The following PCDHA5 variants were observed in gnomAD, a reference collection of about 807,000 sequenced individuals.
PCDHA5 encodes the protein protocadherin alpha 5.
PCDHA5 carries 43 observed loss-of-function variants against 61.6 expected under a neutral mutation model. The ratio of observed to expected loss-of-function variants is 0.70; its 90% CI spans 0.55 to 0.90. The LOEUF (loss-of-function observed/expected upper bound fraction) is 0.90. Among genes scored for constraint, PCDHA5 ranks in the 40% least tolerant of loss-of-function variants. PCDHA5 has a pLI of 0.00. For synonymous variants in PCDHA5, 627 were observed against 543.9 expected (o/e 1.15, Z -2.13); for missense variants, 1,298 against 1,222.7 (o/e 1.06, Z -0.92).
chr5:140,869,810 A>T lies in PCDHA5; in HGVS notation c.2352+45683A>T, dbSNP rs2051437780. On this transcript the variant is annotated intron_variant, in intron 1 of 3. Transcript: ENST00000529859. ...CTGTTAGTCCAAGTCTTGGATGTCA[A>T]CGACAATGATCCAGAGTTTGATAAA... The T allele has an allele frequency of 6.2e-7, 1 of 1,612,624 alleles. No individual in the cohort carries two copies.
chr5:140,886,327 A>G (rs2060943233), intron 1 of PCDHA5, among the ~76,000 whole-genome samples: 1 of 152,162 alleles, frequency 6.6e-6, no homozygotes, highest in Admixed American at 6.5e-5. Flanking sequence ...GTTCTGGGAT[A>G]CATGTGCAGA....
rs114871728 is a variant in PCDHA5, at chr5:140,922,694, C to T, written c.2353-56255C>T. The stretch of plus-strand genomic sequence containing the variant: ...GTAAAAAAGTGAACAGGCTCTGCTT[C>T]CATACAGTCAAGAACAAAAAGAAAC... On this transcript the variant is annotated intron_variant, in intron 1 of 3. Transcript: ENST00000529859. Among the ~76,000 whole-genome samples, 1,199 of 152,172 alleles carry T rather than the reference C, an allele frequency of 7.9e-3. 5 individuals carry two copies. The highest frequency in any genetic ancestry group is 0.018 in the African/African-American group (768 of 41,520).
chr5:140,853,120 C>T lies in PCDHA5; in HGVS notation c.2352+28993C>T, dbSNP rs1036865431. The T allele has an allele frequency of 1.7e-4, 85 of 494,062 alleles. 4 individuals carry two copies. Among genetic ancestry groups the T allele is most frequent in the Middle Eastern group, 1.0e-3 (1 of 976 alleles). 30.6% of individuals were successfully genotyped at this position (494,062 alleles called of 1,614,324 possible). On this transcript the variant is annotated intron_variant, in intron 1 of 3. Coordinates refer to ENST00000529859, the MANE Select transcript of PCDHA5 (RefSeq NM_018908.3). Reference sequence around the variant, plus strand: ...GGTCTCGATCTCCTGACCTCATGATCCTCCCGCCTCAGCCTCCCAAAATGC... The same window carrying T: ...GGTCTCGATCTCCTGACCTCATGATTCTCCCGCCTCAGCCTCCCAAAATGC...
chr5:140,870,420 G>C lies in PCDHA5; in HGVS notation c.2352+46293G>C, dbSNP rs371557347. 1.3e-4 allele frequency: 208 copies of C among 1,614,234 alleles called. No homozygotes were observed. The highest frequency in any genetic ancestry group is 1.7e-4 in the Non-Finnish European group (202 of 1,180,052). Reference sequence around the variant, plus strand: ...CGCCTTCTCTGTGGGCCACGGCCAGGGTATCCGTGGAGGTGGCCGACGTGA... The same window carrying C: ...CGCCTTCTCTGTGGGCCACGGCCAGCGTATCCGTGGAGGTGGCCGACGTGA... On this transcript the variant is annotated intron_variant, in intron 1 of 3. Transcript: ENST00000529859.
intron 1 of PCDHA5, chr5:140,841,584 C>G (rs2150318562): frequency 1.2e-6 from 2 of 1,614,028 alleles, no homozygotes; most frequent in South Asian, 1.1e-5. Flanking sequence ...TTTGTGAATT[C>G]TCGGATCGAC....
intron 1 of PCDHA5, among the ~76,000 whole-genome samples, chr5:140,953,761 A>C (rs1016551787): frequency 6.6e-6 from 1 of 152,202 alleles, no homozygotes; most frequent in Non-Finnish European, 1.5e-5. Flanking sequence ...TCCAAGAATT[A>C]AATTTAATAT....
At chr5:140,861,560 C>A in intron 1 of PCDHA5, 2 of 391,162 alleles carry the variant, frequency 5.1e-6, no homozygotes, top group Admixed American at 2.5e-5. Flanking sequence ...TGATCGTGGA[C>A]AAGCTGCTAC....
chr5:140,823,025 T>G lies in PCDHA5; in HGVS notation c.1250T>G (p.Val417Gly). Residue 417 changes from valine (V) to glycine (G), a missense_variant, in exon 1 of 4, where the codon GTG becomes GGG. Coordinates refer to ENST00000529859, the MANE Select transcript of PCDHA5 (RefSeq NM_018908.3). Reference sequence around the variant, plus strand: ...GACAGCGCCCTGGACCGCGAGAGCGTGTCGGTCTATGAGCTGGTGGTGACC... The same window carrying G: ...GACAGCGCCCTGGACCGCGAGAGCGGGTCGGTCTATGAGCTGGTGGTGACC... ...VLDSALDRES[V>G]SVYELVVTAR... 6.2e-7 allele frequency: 1 copy of G among 1,614,218 alleles called. No homozygotes were observed. Among genetic ancestry groups the G allele is most frequent in the Non-Finnish European group, 8.5e-7 (1 of 1,180,044 alleles).
At chr5:140,957,852 AT>A (rs5871756) in intron 1 of PCDHA5, among the ~76,000 whole-genome samples, 2 of 151,658 alleles carry the variant, frequency 1.3e-5, no homozygotes, top group African/African-American at 2.4e-5. Context: ...GAGTTTGTGT[AT>A]TTTTTTTCCT....
chr5:140,849,689 G>A, intron 1 of PCDHA5: 1 of 1,598,668 alleles, frequency 6.3e-7, no homozygotes, highest in South Asian at 1.1e-5. Context: ...TCAAGCTGGT[G>A]TCCACCTACA....
chr5:140,871,118 G>T (rs1554165149), intron 1 of PCDHA5: 1 of 1,613,306 alleles, frequency 6.2e-7, no homozygotes, highest in African/African-American at 1.3e-5. Context: ...GTGGAGAGCG[G>T]ACAGGCGCCA....
intron 1 of PCDHA5, among the ~76,000 whole-genome samples, chr5:140,964,392 C>A (rs2095829219): frequency 6.6e-6 from 1 of 152,072 alleles, no homozygotes; most frequent in African/African-American, 2.4e-5. Flanking sequence ...GGTTTTTCTC[C>A]CAAGACATGA....
chr5:140,830,745 T>G (rs1375923138), intron 1 of PCDHA5: 1 of 192,554 alleles, frequency 5.2e-6, no homozygotes, highest in Non-Finnish European at 1.1e-5. Context: ...TGTCGTTTTC[T>G]GTTGCATTTT....
In PCDHA5 at chr5:140,856,743, T is replaced by C. The variant is rs17844341; in HGVS notation, c.2352+32616T>C. On this transcript the variant is annotated intron_variant, in intron 1 of 3. Transcript: ENST00000529859. Reference sequence around the variant, plus strand: ...TCTGTTTCTCTGCTGATCCTGGTGTTAGATGCCAATGATAACGCCCCTATC... The same window carrying C: ...TCTGTTTCTCTGCTGATCCTGGTGTCAGATGCCAATGATAACGCCCCTATC... 190 of 1,596,776 alleles carry C rather than the reference T, an allele frequency of 1.2e-4. 4 individuals are homozygous for C. In the East Asian group the frequency reaches 4.1e-3, roughly 35 times the overall value.
At chr5:140,847,270 T>A (rs1780933593) in intron 1 of PCDHA5, among the ~76,000 whole-genome samples, 1 of 149,770 alleles carries the variant, frequency 6.7e-6, no homozygotes, top group African/African-American at 2.4e-5. Context: ...TGAAAGAAGG[T>A]TGAACGGGAA....
At chr5:140,953,810 C>T (rs918101590) in intron 1 of PCDHA5, among the ~76,000 whole-genome samples, 5 of 152,190 alleles carry the variant, frequency 3.3e-5, no homozygotes, top group South Asian at 2.1e-4. Context: ...TTCTGAGGTG[C>T]ATGTGCTAGT....
intron 1 of PCDHA5, among the ~76,000 whole-genome samples, chr5:140,922,408 T>C (rs2080827805): frequency 6.6e-6 from 1 of 152,196 alleles, no homozygotes; most frequent in Non-Finnish European, 1.5e-5. Context: ...ATTAAAAAGA[T>C]CTAGGTACAG....
intron 3 of PCDHA5, among the ~76,000 whole-genome samples, chr5:140,987,644 T>G (rs1461630900): frequency 6.6e-6 from 1 of 152,220 alleles, no homozygotes; most frequent in Non-Finnish European, 1.5e-5. Context: ...TGCACACATA[T>G]TGCAGAATCT....
At chr5:140,863,196 G>T (rs782500346) in intron 1 of PCDHA5, 2 of 874,852 alleles carry the variant, frequency 2.3e-6, no homozygotes, top group Non-Finnish European at 3.6e-6. Context: ...TGGTGGCGTC[G>T]CTGGCGGAGA....
Sources: allele counts gnomAD v4.1 joint callset (sites outside exome capture counted in the v4.1 genomes callset), GRCh38; gene constraint gnomAD v4.1.1; transcripts MANE v1.5; gene names NCBI Gene and HGNC (gene_info 2026-07-23, HGNC 2026-07-21).